TMX2: variants seen among roughly 807,000 people sequenced by gnomAD.
TMX2 encodes thioredoxin related transmembrane protein 2.
In TMX2, 20 loss-of-function variants were observed where a neutral mutation model predicts 33.4. The observed-to-expected ratio is 0.60, with a 90% CI of 0.42 to 0.87. TMX2 has a LOEUF of 0.87. TMX2 is among the 40% of genes least tolerant of loss of function. The pLI is 0.00. For missense variants in TMX2, 340 were observed against 370.7 expected (o/e 0.92, Z 0.68); for synonymous variants, 166 against 140.7 (o/e 1.18, Z -1.27).
intron 1 of TMX2, among the ~76,000 whole-genome samples, chr11:57,731,056 A>C (rs1324063377): frequency 6.6e-6 from 1 of 151,584 alleles, no homozygotes; most frequent in African/African-American, 2.4e-5. Flanking sequence ...TAAATTCTGT[A>C]ATGTGTTTCC....
intron 1 of TMX2, among the ~76,000 whole-genome samples, chr11:57,726,664 A>T (rs1590939633): frequency 6.6e-6 from 1 of 152,184 alleles, no homozygotes; most frequent in South Asian, 2.1e-4. Flanking sequence ...TTTCTCCCAA[A>T]TACCAGTATA....
chr11:57,738,492 C>T (rs1419096445), intron 4 of TMX2, 62 bp downstream of exon 4: 26 of 1,354,464 alleles, frequency 1.9e-5, no homozygotes, highest in Non-Finnish European at 2.8e-5. Context: ...TAGTTGTGCT[C>T]TCCATTCACT....
intron 1 of TMX2, among the ~76,000 whole-genome samples, chr11:57,716,128 A>T (rs1170884868): frequency 4.6e-5 from 7 of 151,816 alleles, no homozygotes; most frequent in African/African-American, 1.7e-4. Flanking sequence ...GTGGCTGGGC[A>T]GAGGGGCTCC....
At chr11:57,724,706 A>G (rs964345393) in intron 1 of TMX2, among the ~76,000 whole-genome samples, 3 of 152,070 alleles carry the variant, frequency 2.0e-5, no homozygotes, top group African/African-American at 7.2e-5. Context: ...GCTTTATCTA[A>G]GGTAGTTGTA....
chr11:57,728,472 G>C (rs1948145078), intron 1 of TMX2, among the ~76,000 whole-genome samples: 1 of 152,078 alleles, frequency 6.6e-6, no homozygotes. Context: ...GTACCAGCAG[G>C]GGCCCATTGA....
intron 1 of TMX2, among the ~76,000 whole-genome samples, chr11:57,722,861 C>G (rs891575242): frequency 1.3e-5 from 2 of 152,114 alleles, no homozygotes. Flanking sequence ...GCCTATAATC[C>G]CAGCACTTTG....
intron 1 of TMX2, among the ~76,000 whole-genome samples, chr11:57,716,259 G>A (rs1947010149): frequency 6.7e-6 from 1 of 148,930 alleles, no homozygotes; most frequent in Admixed American, 6.6e-5. Context: ...CCGGGCGGGG[G>A]GCTGACCCCC....
At chr11:57,725,062 A>G (rs1232051110) in intron 1 of TMX2, among the ~76,000 whole-genome samples, 1 of 149,610 alleles carries the variant, frequency 6.7e-6, no homozygotes, top group African/African-American at 2.5e-5. Context: ...AAAAGAAAGA[A>G]AAGAAAAGAA....
intron 1 of TMX2, among the ~76,000 whole-genome samples, chr11:57,727,207 T>C (rs1334112218): frequency 6.6e-6 from 1 of 152,154 alleles, no homozygotes; most frequent in African/African-American, 2.4e-5. Flanking sequence ...CCTTAAACAA[T>C]TGGCTATTAC....
rs578159764 is a variant in TMX2 at position 57,714,468 on chromosome 11, A to G, written c.189+1661A>G. On this transcript the variant is annotated intron_variant, in intron 1 of 7. Coordinates refer to ENST00000278422, the MANE Select transcript of TMX2 (RefSeq NM_015959.4). ...CAATTGGGAAGATTAATAGCAATCT[A>G]TTTTCCTAGATTGTAGGTTGTGTGT... Among the ~76,000 whole-genome samples, 5 of 152,170 alleles carry G rather than the reference A, an allele frequency of 3.3e-5. No individual in the cohort carries two copies. The East Asian group carries it at 5.8e-4, about 18-fold the overall frequency.
At chr11:57,729,832 G>T (rs1948242128) in intron 1 of TMX2, among the ~76,000 whole-genome samples, 1 of 152,180 alleles carries the variant, frequency 6.6e-6, no homozygotes, top group Non-Finnish European at 1.5e-5. Context: ...AGCGGGTAGG[G>T]CGCAGTGGCT....
intron 1 of TMX2, among the ~76,000 whole-genome samples, chr11:57,722,960 A>C (rs973631424): frequency 6.6e-6 from 1 of 151,836 alleles, no homozygotes. Context: ...AAAAATACAA[A>C]ATTAGCTGGG....
intron 1 of TMX2, among the ~76,000 whole-genome samples, chr11:57,730,010 A>C (rs1034237442): frequency 1.3e-5 from 2 of 151,660 alleles, no homozygotes; most frequent in Non-Finnish European, 2.9e-5. Context: ...AGACTGAGGC[A>C]GGAGTATCGC....
At chr11:57,713,526 A>G (rs1425604806) in intron 1 of TMX2, among the ~76,000 whole-genome samples, 2 of 152,230 alleles carry the variant, frequency 1.3e-5, no homozygotes, top group African/African-American at 4.8e-5. Context: ...TGCTCGGAAC[A>G]TAAACTTAAA....
intron 3 of TMX2, 89 bp downstream of exon 3, chr11:57,738,115 A>G: frequency 9.5e-7 from 1 of 1,051,698 alleles, no homozygotes; most frequent in South Asian, 1.5e-5. Flanking sequence ...AACAGTTGCA[A>G]TCCCAAACAT....
In TMX2 at chr11:57,740,293, T is replaced by C. The variant is rs1399017875; in HGVS notation, c.*48T>C. On this transcript the variant is annotated 3_prime_UTR_variant, in exon 8 of 8. Coordinates refer to ENST00000278422, the MANE Select transcript of TMX2 (RefSeq NM_015959.4). ...CCTCTCCTGTCAATTCCAGGCTCTT[T>C]CCATAACCACAAGCCTGAGGCTGCA... is the stretch of plus-strand genomic sequence containing the variant. 1 of 1,531,826 alleles carries C rather than the reference T, an allele frequency of 6.5e-7. No homozygotes were observed. The highest frequency in any genetic ancestry group is 2.3e-5 in the East Asian group (1 of 43,278). The allele number at this position is 1,531,826 out of a possible 1,614,324, so 94.9% of individuals were successfully genotyped here.
Position 57,716,690 on chromosome 11 carries a change from G to T in TMX2, c.189+3883G>T, listed in dbSNP as rs561263354. Among the ~76,000 whole-genome samples the T allele has an allele frequency of 7.7e-3, 1,129 of 145,986 alleles. 9 individuals carry two copies. Among genetic ancestry groups the T allele is most frequent in the Non-Finnish European group, 0.011 (697 of 65,680 alleles). On this transcript the variant is annotated intron_variant, in intron 1 of 7. Transcript: ENST00000278422. ...TGACCCCCCCACCTCCCTCCCGGAC[G>T]GGGCGGCAGGCCGGGTGGGGGGCTG...
chr11:57,719,020 CATATAT>C (rs1157963160), intron 1 of TMX2, among the ~76,000 whole-genome samples: 1 of 125,020 alleles, frequency 8.0e-6, no homozygotes, highest in African/African-American at 3.2e-5. Context: ...ATATTCAGGC[CATATAT>C]ATATATATTT....
In TMX2 at chr11:57,716,667, A is replaced by AC. The variant is rs1178005804; in HGVS notation, c.189+3867dup. On this transcript the variant is annotated intron_variant, in intron 1 of 7. Coordinates refer to ENST00000278422, the MANE Select transcript of TMX2 (RefSeq NM_015959.4). ...GGGCGGCTGGCCGAGCGGGGGGCTGACCCCCCCACCTCCCTCCCGGACGGG... is the reference window on the plus strand; with the variant it reads ...GGGCGGCTGGCCGAGCGGGGGGCTGACCCCCCCCACCTCCCTCCCGGACGGG... Among the ~76,000 whole-genome samples, 11 of 97,568 alleles carry AC rather than the reference A, an allele frequency of 1.1e-4. No individual in the cohort carries two copies. In the South Asian group the frequency reaches 1.2e-3, roughly 10 times the overall value. The allele number at this position is 97,568 out of a possible 152,430, so 64.0% of individuals were successfully genotyped here. A position where few individuals can be genotyped will look rare whatever the true frequency, so the allele number is the denominator to read the frequency against.
Sources: allele counts gnomAD v4.1 joint callset (sites outside exome capture counted in the v4.1 genomes callset), GRCh38; gene constraint gnomAD v4.1.1; transcripts MANE v1.5; gene names NCBI Gene and HGNC (gene_info 2026-07-23, HGNC 2026-07-21).